SLC44A5: variants seen among roughly 807,000 people sequenced by gnomAD.
SLC44A5 encodes solute carrier family 44 member 5.
In SLC44A5, 57 loss-of-function variants were observed where a neutral mutation model predicts 101.8. The ratio of observed to expected loss-of-function variants is 0.56; its 90% CI spans 0.45 to 0.70. SLC44A5 has a LOEUF of 0.70. SLC44A5 is among the 30% of genes least tolerant of loss of function. The probability of loss-of-function intolerance (pLI) is 0.00; values close to 1 mark genes in which losing one functional copy is unlikely to be tolerated. For missense variants in SLC44A5, 737 were observed against 853.1 expected, an observed-to-expected ratio of 0.86 and a Z score of 1.70; for synonymous variants, 281 against 290.9, an observed-to-expected ratio of 0.97 and a Z score of 0.35.
chr1:75,697,809 C>T, the SLC44A5 span, among the ~76,000 whole-genome samples: 1 of 152,164 alleles, frequency 6.6e-6, no homozygotes, highest in South Asian at 2.1e-4. Flanking sequence ...CGTGCGTGAG[C>T]TGAAGCAGGG....
At chr1:75,402,449 C>G (rs996768110) in intron 2 of SLC44A5, 6 of 402,118 alleles carry the variant, frequency 1.5e-5, no homozygotes, top group African/African-American at 1.0e-4. Flanking sequence ...AAGATCAACG[C>G]AGAAGGCAGG....
intron 3 of SLC44A5, among the ~76,000 whole-genome samples, chr1:75,388,074 G>C (rs1661504828): frequency 9.4e-6 from 1 of 106,658 alleles, no homozygotes; most frequent in East Asian, 3.4e-4. Context: ...GGTGGGGGGA[G>C]GGGGGAGGGA....
the SLC44A5 span, among the ~76,000 whole-genome samples, chr1:75,720,743 T>C: frequency 6.6e-6 from 1 of 151,812 alleles, no homozygotes; most frequent in Non-Finnish European, 1.5e-5. Context: ...CTCAGGGTGG[T>C]TGGGGTGCAG....
chr1:75,673,417 GAT>G, the SLC44A5 span, among the ~76,000 whole-genome samples: 8 of 151,998 alleles, frequency 5.3e-5, no homozygotes, highest in Non-Finnish European at 8.8e-5. Flanking sequence ...CCACCAGGTA[GAT>G]TTCAAAAGTT....
intron 5 of SLC44A5, among the ~76,000 whole-genome samples, chr1:75,296,163 T>A (rs1218524939): frequency 6.6e-6 from 1 of 152,156 alleles, no homozygotes. Flanking sequence ...TCCTTTGTAC[T>A]GATCTATAAA....
intron 7 of SLC44A5, among the ~76,000 whole-genome samples, chr1:75,244,410 TCTTC>T (rs1648929540): frequency 6.6e-6 from 1 of 152,060 alleles, no homozygotes; most frequent in Non-Finnish European, 1.5e-5. Context: ...AGGGTTAAAA[TCTTC>T]CTTCCTTTCC....
intron 2 of SLC44A5, among the ~76,000 whole-genome samples, chr1:75,533,224 A>G (rs1415689591): frequency 6.6e-6 from 1 of 152,128 alleles, no homozygotes; most frequent in Non-Finnish European, 1.5e-5. Context: ...ACAATTTAGC[A>G]CTTAATTATC....
intron 2 of SLC44A5, among the ~76,000 whole-genome samples, chr1:75,465,920 T>C (rs1666787001): frequency 6.6e-6 from 1 of 152,224 alleles, no homozygotes; most frequent in Non-Finnish European, 1.5e-5. Flanking sequence ...CAGCACCCAA[T>C]GGCTTCACTG....
At chr1:75,482,604 C>A (rs1476261449) in intron 2 of SLC44A5, among the ~76,000 whole-genome samples, 3 of 152,106 alleles carry the variant, frequency 2.0e-5, no homozygotes, top group Admixed American at 2.0e-4. Flanking sequence ...TTAGATTGGA[C>A]CATCACTAAA....
chr1:75,675,999 A>T, the SLC44A5 span, among the ~76,000 whole-genome samples: 2 of 152,242 alleles, frequency 1.3e-5, no homozygotes, highest in Non-Finnish European at 2.9e-5. Context: ...CTGCAATGAG[A>T]TATCATCTCA....
chr1:75,476,281 A>C (rs11163461), intron 2 of SLC44A5, among the ~76,000 whole-genome samples: 35,163 of 152,144 alleles, frequency 0.23, 4,974 homozygotes, highest in African/African-American at 0.4. Context: ...CCAAGATGGT[A>C]GCATAGGAAC....
intron 1 of SLC44A5, among the ~76,000 whole-genome samples, chr1:75,559,469 C>A (rs1329646837): frequency 6.6e-6 from 1 of 152,110 alleles, no homozygotes; most frequent in African/African-American, 2.4e-5. Flanking sequence ...CTGATAATAT[C>A]GGATAGTTCA....
chr1:75,583,089 G>A (rs1030773027), intron 1 of SLC44A5, among the ~76,000 whole-genome samples: 9 of 152,112 alleles, frequency 5.9e-5, no homozygotes, highest in African/African-American at 1.2e-4. Flanking sequence ...GATTTGGAAC[G>A]TCCCCTCCTG....
At chr1:75,698,093 C>T in the SLC44A5 span, among the ~76,000 whole-genome samples, 1 of 152,180 alleles carries the variant, frequency 6.6e-6, no homozygotes. Context: ...TCCGCCATTG[C>T]CCAGGCTTGC....
intron 2 of SLC44A5, among the ~76,000 whole-genome samples, chr1:75,440,171 A>T (rs115360202): frequency 6.6e-6 from 1 of 152,158 alleles, no homozygotes; most frequent in East Asian, 1.9e-4. Context: ...TGAAAATGTA[A>T]TTAAATATGT....
At chr1:75,445,516 AAT>A (rs1428309935) in intron 2 of SLC44A5, among the ~76,000 whole-genome samples, 2 of 123,672 alleles carry the variant, frequency 1.6e-5, no homozygotes, top group Admixed American at 9.7e-5. Context: ...CACACAATAT[AAT>A]ATATGTATAT....
chr1:75,309,208 C>T (rs1655117656), intron 4 of SLC44A5, among the ~76,000 whole-genome samples: 1 of 152,152 alleles, frequency 6.6e-6, no homozygotes, highest in African/African-American at 2.4e-5. Context: ...CTTTGGGAAG[C>T]TAAGTTGGGG....
At chr1:75,480,841 T>C (rs942872956) in intron 2 of SLC44A5, among the ~76,000 whole-genome samples, 7 of 152,146 alleles carry the variant, frequency 4.6e-5, no homozygotes, top group African/African-American at 1.4e-4. Flanking sequence ...AGGTAATATA[T>C]AGATTCAATG....
rs150342799 is a variant in SLC44A5, at chr1:75,515,257, G to A, written c.13+26178C>T. 4.3e-4 allele frequency among the ~76,000 whole-genome samples: 65 copies of A among 152,066 alleles called. No homozygotes were observed. In the East Asian group the frequency reaches 5.4e-3, roughly 13 times the overall value. ...TCAAGCTAGCTAACATATTCATCAC[G>A]TCAAATACTTAATGTTTTTGTGGTA... On this transcript the variant is annotated intron_variant, in intron 2 of 23. Coordinates refer to ENST00000370859, the MANE Select transcript of SLC44A5 (RefSeq NM_001130058.2).
Sources: gnomAD v4.1 joint callset for allele counts (sites outside exome capture counted in the v4.1 genomes callset) on GRCh38, gnomAD v4.1.1 for gene constraint, MANE v1.5 for transcripts, NCBI Gene and HGNC (gene_info 2026-07-23, HGNC 2026-07-21) for gene names.